Variants in INPP4B observed in about 807,000 individuals in gnomAD.
INPP4B encodes inositol polyphosphate-4-phosphatase type II B, also known as inositol polyphosphate 4-phosphatase type II.
A neutral mutation model predicts 122.5 loss-of-function variants in INPP4B; 55 were observed. That is an observed-to-expected ratio of 0.45 (90% CI 0.36 to 0.56). INPP4B has a LOEUF of 0.56. INPP4B is among the 20% of genes least tolerant of loss of function. The probability of loss-of-function intolerance (pLI) is 0.00; values close to 1 mark genes in which losing one functional copy is unlikely to be tolerated. For synonymous variants in INPP4B, 403 were observed against 388.7 expected (o/e 1.04, Z -0.43); for missense variants, 1,000 against 1,097.7 (o/e 0.91, Z 1.26).
intron 14 of INPP4B, among the ~76,000 whole-genome samples, chr4:142,202,923 T>C (rs1350205524): frequency 2.0e-5 from 3 of 152,122 alleles, no homozygotes; most frequent in Non-Finnish European, 4.4e-5. Flanking sequence ...TCCTCTCTTT[T>C]TGTGGTCTCC....
intron 2 of INPP4B, among the ~76,000 whole-genome samples, chr4:142,601,247 G>A (rs562503254): frequency 2.6e-5 from 4 of 152,062 alleles, no homozygotes; most frequent in Admixed American, 6.5e-5. Context: ...AACAACTGAA[G>A]AATACACATT....
chr4:142,276,604 A>G (rs1748533216), intron 9 of INPP4B, among the ~76,000 whole-genome samples: 1 of 151,950 alleles, frequency 6.6e-6, no homozygotes, highest in South Asian at 2.1e-4. Flanking sequence ...CTTATCTCAC[A>G]AGACTTATGT....
intron 3 of INPP4B, among the ~76,000 whole-genome samples, chr4:142,453,979 G>A (rs867931360): frequency 2.0e-5 from 3 of 151,972 alleles, no homozygotes; most frequent in Admixed American, 6.6e-5. Context: ...TGTGAAACAC[G>A]GGTTAATTCT....
At chr4:142,657,606 T>A (rs1189808441) in intron 2 of INPP4B, among the ~76,000 whole-genome samples, 1 of 152,244 alleles carries the variant, frequency 6.6e-6, no homozygotes, top group Non-Finnish European at 1.5e-5. Flanking sequence ...TGTAAACTTT[T>A]GCCTAGGGTT....
At chr4:142,438,754 G>T (rs895723983) in intron 3 of INPP4B, among the ~76,000 whole-genome samples, 1 of 152,140 alleles carries the variant, frequency 6.6e-6, no homozygotes, top group African/African-American at 2.4e-5. Flanking sequence ...TATAATCAGA[G>T]AGAATAGGCA....
chr4:142,533,940 A>G (rs1321617181), intron 2 of INPP4B, among the ~76,000 whole-genome samples: 3 of 152,180 alleles, frequency 2.0e-5, no homozygotes, highest in Non-Finnish European at 2.9e-5. Context: ...AGTAGAATTT[A>G]TGGGTGTCAT....
intron 7 of INPP4B, among the ~76,000 whole-genome samples, chr4:142,372,849 C>T (rs570795708): frequency 1.3e-5 from 2 of 152,130 alleles, no homozygotes; most frequent in South Asian, 4.1e-4. Flanking sequence ...AGCATCTTGA[C>T]TACACTGACT....
chr4:142,555,933 CTG>C (rs908163506), intron 2 of INPP4B, among the ~76,000 whole-genome samples: 234 of 150,876 alleles, frequency 1.6e-3, no homozygotes, highest in African/African-American at 5.3e-3. Flanking sequence ...AAAGTGCATG[CTG>C]TGTGTGTGTG....
chr4:142,591,793 A>G lies in INPP4B; in HGVS notation c.-190-129067T>C, dbSNP rs139043936. Among the ~76,000 whole-genome samples, 550 of 152,294 alleles carry G rather than the reference A, an allele frequency of 3.6e-3. 7 individuals are homozygous for G. Among genetic ancestry groups the G allele is most frequent in the East Asian group, 0.018 (95 of 5,182 alleles). ...CATGTAACACTAGCCTGACCTATGCAAAAAGTCCCAGACAAATTCCAGTAG... is the reference window on the plus strand; with the variant it reads ...CATGTAACACTAGCCTGACCTATGCGAAAAGTCCCAGACAAATTCCAGTAG... On this transcript the variant is annotated intron_variant, in intron 2 of 25. Transcript: ENST00000262992.
intron 1 of INPP4B, among the ~76,000 whole-genome samples, chr4:142,738,932 T>C (rs1767477195): frequency 6.6e-6 from 1 of 152,126 alleles, no homozygotes; most frequent in Non-Finnish European, 1.5e-5. Context: ...CTATCAAGTA[T>C]TCACTTACAA....
chr4:142,382,343 T>A (rs897303731), intron 7 of INPP4B, among the ~76,000 whole-genome samples: 2 of 151,574 alleles, frequency 1.3e-5, no homozygotes, highest in Admixed American at 1.3e-4. Flanking sequence ...ATCCTATCTC[T>A]ACTGAAAATA....
chr4:142,200,144 C>T (rs1431096745), intron 14 of INPP4B, among the ~76,000 whole-genome samples: 1 of 151,848 alleles, frequency 6.6e-6, no homozygotes, highest in African/African-American at 2.4e-5. Context: ...AATATAGACC[C>T]ATGGGAATTT....
chr4:142,840,732 AAATG>A (rs1193236299), intron 1 of INPP4B, among the ~76,000 whole-genome samples: 24 of 152,148 alleles, frequency 1.6e-4, no homozygotes, highest in African/African-American at 5.8e-4. Context: ...ACCTAGTGCT[AAATG>A]TCTCTTTAAC....
chr4:142,767,033 TG>T lies in INPP4B; in HGVS notation c.-253-41133del, dbSNP rs1295261649. Among the ~76,000 whole-genome samples the T allele has an allele frequency of 2.0e-5, 3 of 152,302 alleles. No homozygotes were observed. In the South Asian group the frequency reaches 6.2e-4, roughly 32 times the overall value. ...TGGGGAATAAAGCCACCCAAGGTGATGAACCTAGTTAGTGATTCAGATGACA... is the reference window on the plus strand; with the variant it reads ...TGGGGAATAAAGCCACCCAAGGTGATAACCTAGTTAGTGATTCAGATGACA... On this transcript the variant is annotated intron_variant, in intron 1 of 25. Transcript: ENST00000262992.
rs1490285623 is a variant in INPP4B, at chr4:142,841,011, T to C, written c.-254+5198A>G. On this transcript the variant is annotated intron_variant, in intron 1 of 25. Transcript: ENST00000262992. ...TTTAAAAACAAAGTGATTTACAGGT[T>C]TTGTTAAGGAAGACAAGAAATTTTT... 2.0e-5 allele frequency among the ~76,000 whole-genome samples: 3 copies of C among 152,070 alleles called. No homozygotes were observed. In the East Asian group the frequency reaches 5.8e-4, roughly 29 times the overall value.
chr4:142,077,202 T>C (rs1176341808), intron 25 of INPP4B, among the ~76,000 whole-genome samples: 1 of 151,916 alleles, frequency 6.6e-6, no homozygotes, highest in Non-Finnish European at 1.5e-5. Flanking sequence ...TAAAGCCCTG[T>C]ATTGCGAGGG....
intron 11 of INPP4B, among the ~76,000 whole-genome samples, chr4:142,244,477 G>C (rs1350338325): frequency 6.6e-6 from 1 of 151,396 alleles, no homozygotes; most frequent in African/African-American, 2.4e-5. Context: ...TTATATTTTT[G>C]TATTTTTAGT....
rs140087779 is a variant in INPP4B, at chr4:142,033,634, C to CTTCTT, written c.2643-4725_2643-4721dup. 1.3e-3 allele frequency among the ~76,000 whole-genome samples: 193 copies of CTTCTT among 149,544 alleles called. 3 individuals are homozygous for CTTCTT. In the East Asian group the frequency reaches 0.035, roughly 27 times the overall value. On this transcript the variant is annotated intron_variant, in intron 25 of 25. Transcript: ENST00000262992. ...TTTTCAAGAAAGAGCATGCCTTCAG[C>CTTCTT]TTCTTTTTATCTCCTAAGTAAGTTC...
intron 2 of INPP4B, among the ~76,000 whole-genome samples, chr4:142,473,044 A>C (rs1400673352): frequency 6.6e-6 from 1 of 152,246 alleles, no homozygotes; most frequent in Non-Finnish European, 1.5e-5. Flanking sequence ...AAGACAATTT[A>C]GACTCTCAAC....
Sources: gnomAD v4.1 joint callset for allele counts (sites outside exome capture counted in the v4.1 genomes callset) on GRCh38, gnomAD v4.1.1 for gene constraint, MANE v1.5 for transcripts, NCBI Gene and HGNC (gene_info 2026-07-23, HGNC 2026-07-21) for gene names.